Variants in MCC observed in about 807,000 individuals in gnomAD.
MCC encodes the protein MCC regulator of Wnt signaling pathway, also known as colorectal mutant cancer protein.
MCC carries 90 observed loss-of-function variants against 116.2 expected under a neutral mutation model. That is an observed-to-expected ratio of 0.77 (90% confidence interval 0.65 to 0.92). The LOEUF (loss-of-function observed/expected upper bound fraction) is 0.92, where lower values mean the gene tolerates loss of function less well. Ranked by LOEUF, MCC falls within the 40% of genes least tolerant of loss-of-function variation. The pLI is 0.00. For synonymous variants in MCC, 578 were observed against 510.5 expected (o/e 1.13, Z -1.78); for missense variants, 1,516 against 1,312.2 (o/e 1.16, Z -2.40).
intron 1 of MCC, among the ~76,000 whole-genome samples, chr5:113,462,500 A>G (rs1771770567): frequency 6.6e-6 from 1 of 152,240 alleles, no homozygotes. Context: ...TATAGCTATC[A>G]GCCTAGAATC....
intron 8 of MCC, among the ~76,000 whole-genome samples, chr5:113,088,339 G>A (rs377057591): frequency 2.9e-4 from 44 of 151,898 alleles, no homozygotes; most frequent in African/African-American, 1.0e-3. Context: ...GCATGGCTTC[G>A]GAAAGAGGCA....
intron 2 of MCC, among the ~76,000 whole-genome samples, chr5:113,342,587 T>G (rs1768043760): frequency 6.6e-6 from 1 of 152,222 alleles, no homozygotes; most frequent in African/African-American, 2.4e-5. Flanking sequence ...CATCTGGAGA[T>G]GAATGGGGAA....
At chr5:113,237,059 T>A (rs933480403) in intron 3 of MCC, among the ~76,000 whole-genome samples, 1 of 152,206 alleles carries the variant, frequency 6.6e-6, no homozygotes, top group African/African-American at 2.4e-5. Flanking sequence ...CCTTGGGGAA[T>A]TCATTAAATA....
At chr5:113,446,203 A>G (rs1771214449) in intron 1 of MCC, among the ~76,000 whole-genome samples, 1 of 152,208 alleles carries the variant, frequency 6.6e-6, no homozygotes, top group Non-Finnish European at 1.5e-5. Context: ...GAAATAATTT[A>G]CAACTAAGTT....
chr5:113,144,908 A>G (rs929037902), intron 4 of MCC, among the ~76,000 whole-genome samples: 1 of 152,234 alleles, frequency 6.6e-6, no homozygotes, highest in Non-Finnish European at 1.5e-5. Context: ...AAGCGGGAAC[A>G]AAGGCAAGGA....
chr5:113,175,311 T>C (rs1761278558), intron 3 of MCC, among the ~76,000 whole-genome samples: 1 of 152,234 alleles, frequency 6.6e-6, no homozygotes, highest in Non-Finnish European at 1.5e-5. Flanking sequence ...CAAACTTTGA[T>C]GACTTAAAGC....
At chr5:113,310,418 C>A (rs775750897) in intron 3 of MCC, among the ~76,000 whole-genome samples, 1 of 152,180 alleles carries the variant, frequency 6.6e-6, no homozygotes, top group Non-Finnish European at 1.5e-5. Flanking sequence ...GCCTCCAGAA[C>A]GCTAAGAAAT....
intron 3 of MCC, among the ~76,000 whole-genome samples, chr5:113,209,250 C>T (rs1157632603): frequency 6.6e-6 from 1 of 152,136 alleles, no homozygotes; most frequent in African/African-American, 2.4e-5. Flanking sequence ...ACATGTTTAC[C>T]TAAAGTTGTA....
intron 3 of MCC, among the ~76,000 whole-genome samples, chr5:113,187,734 G>A (rs1422831270): frequency 7.2e-6 from 1 of 139,552 alleles, no homozygotes; most frequent in Non-Finnish European, 1.5e-5. Flanking sequence ...CGGCCTGGGC[G>A]ACTGAGTGAG....
chr5:113,193,264 T>A lies in MCC; in HGVS notation c.628-41842A>T, dbSNP rs1430911072. On this transcript the variant is annotated intron_variant, in intron 3 of 18. Coordinates refer to ENST00000408903, the MANE Select transcript of MCC (RefSeq NM_001085377.2). ...ACCTGGATAATACAGGATAACAGCC[T>A]CATCTCAAGATTCTTAATCGCATAT... Among the ~76,000 whole-genome samples the A allele has an allele frequency of 3.3e-5, 5 of 151,988 alleles. No homozygotes were observed. In the East Asian group the frequency reaches 9.7e-4, roughly 29 times the overall value.
chr5:113,152,201 C>T lies in MCC; in HGVS notation c.628-779G>A, dbSNP rs780734609. On this transcript the variant is annotated intron_variant, in intron 3 of 18. Transcript: ENST00000408903. ...TTCAAAAGATTAACAGGAGGCCCCA[C>T]GTACATCCAGAATCTCCATCTGTTC... Among the ~76,000 whole-genome samples, 4 of 152,210 alleles carry T rather than the reference C, an allele frequency of 2.6e-5. No homozygotes were observed. The South Asian group carries it at 6.2e-4, about 24-fold the overall frequency.
intron 6 of MCC, among the ~76,000 whole-genome samples, chr5:113,105,711 T>C (rs1756689214): frequency 6.6e-6 from 1 of 152,162 alleles, no homozygotes; most frequent in Non-Finnish European, 1.5e-5. Context: ...CTCTAAACCA[T>C]CATCATCTCT....
chr5:113,404,792 G>T (rs946580384), intron 1 of MCC, among the ~76,000 whole-genome samples: 2 of 147,752 alleles, frequency 1.4e-5, no homozygotes, highest in South Asian at 2.1e-4. Flanking sequence ...TATAATGGTG[G>T]CACAACATCC....
intron 1 of MCC, among the ~76,000 whole-genome samples, chr5:113,479,516 T>C (rs1772317652): frequency 6.6e-6 from 1 of 152,184 alleles, no homozygotes; most frequent in South Asian, 2.1e-4. Flanking sequence ...GTAATATGGC[T>C]TCACTTGTAT....
At chr5:113,389,223 C>A (rs139447897) in intron 1 of MCC, among the ~76,000 whole-genome samples, 1 of 152,190 alleles carries the variant, frequency 6.6e-6, no homozygotes, top group Non-Finnish European at 1.5e-5. Context: ...CCATACGCCA[C>A]CTTGCCAGGT....
chr5:113,398,539 G>A (rs549507366), intron 1 of MCC, among the ~76,000 whole-genome samples: 1 of 152,344 alleles, frequency 6.6e-6, no homozygotes, highest in South Asian at 2.1e-4. Flanking sequence ...CAACATGAAT[G>A]TAGCCAGAGG....
In MCC at chr5:113,054,262, C is replaced by G. The variant is rs1443480538; in HGVS notation, c.2214-303G>C. ...ATACAAAGGAACATAATCTAAAATA[C>G]AGTTTAGTGATTTATCACACCTATC... On this transcript the variant is annotated intron_variant, in intron 14 of 18. Coordinates refer to ENST00000408903, the MANE Select transcript of MCC (RefSeq NM_001085377.2). Among the ~76,000 whole-genome samples the G allele has an allele frequency of 2.0e-5, 3 of 152,180 alleles. No individual in the cohort carries two copies. The South Asian group carries it at 6.2e-4, about 32-fold the overall frequency.
intron 8 of MCC, among the ~76,000 whole-genome samples, chr5:113,089,102 C>T (rs1158495171): frequency 6.6e-6 from 1 of 152,202 alleles, no homozygotes; most frequent in Non-Finnish European, 1.5e-5. Flanking sequence ...GGTTCCTCAA[C>T]ACCAGAACAT....
At chr5:113,144,603 T>C (rs552763792) in intron 4 of MCC, among the ~76,000 whole-genome samples, 1 of 152,160 alleles carries the variant, frequency 6.6e-6, no homozygotes, top group Non-Finnish European at 1.5e-5. Flanking sequence ...AACTGAACAT[T>C]ATACTAAGCC....
Sources: gnomAD v4.1 joint callset for allele counts (sites outside exome capture counted in the v4.1 genomes callset) on GRCh38, gnomAD v4.1.1 for gene constraint, MANE v1.5 for transcripts, NCBI Gene and HGNC (gene_info 2026-07-23, HGNC 2026-07-21) for gene names.